PTPN3: variants seen among roughly 807,000 people sequenced by gnomAD.
The protein encoded by PTPN3 is tyrosine-protein phosphatase non-receptor type 3.
In PTPN3, 96 loss-of-function variants were observed where a neutral mutation model predicts 132.7. That is an observed-to-expected ratio of 0.72 (90% CI 0.61 to 0.86). PTPN3 has a LOEUF of 0.86. Ranked by LOEUF, PTPN3 falls within the 40% of genes least tolerant of loss-of-function variation. The probability of loss-of-function intolerance (pLI) is 0.00; values close to 1 mark genes in which losing one functional copy is unlikely to be tolerated. For synonymous variants in PTPN3, 398 were observed against 429.0 expected, an observed-to-expected ratio of 0.93 and a Z score of 0.89; for missense variants, 1,125 against 1,159.6, an observed-to-expected ratio of 0.97 and a Z score of 0.43.
At chr9:109,430,422 T>G (rs940380427) in intron 10 of PTPN3, among the ~76,000 whole-genome samples, 3 of 152,088 alleles carry the variant, frequency 2.0e-5, no homozygotes, top group African/African-American at 7.2e-5. Context: ...TGACCCCAAT[T>G]TCCCCACCTG....
chr9:109,505,458 T>G, the PTPN3 span, among the ~76,000 whole-genome samples: 1 of 152,058 alleles, frequency 6.6e-6, no homozygotes, highest in East Asian at 1.9e-4. Flanking sequence ...GTTTGTGTCT[T>G]TGTTTAGATG....
intron 1 of PTPN3, among the ~76,000 whole-genome samples, chr9:109,466,377 C>G (rs1410575731): frequency 2.0e-5 from 3 of 152,158 alleles, no homozygotes; most frequent in Non-Finnish European, 4.4e-5. Context: ...GTAGTGTGCA[C>G]CTGTAGTCCC....
chr9:109,439,865 A>G (rs1194671613), intron 7 of PTPN3, among the ~76,000 whole-genome samples: 1 of 151,858 alleles, frequency 6.6e-6, no homozygotes, highest in Non-Finnish European at 1.5e-5. Context: ...ACCGAGACTG[A>G]GCCACTGTAC....
chr9:109,386,357 T>G (rs542790485), intron 22 of PTPN3, among the ~76,000 whole-genome samples: 1 of 152,146 alleles, frequency 6.6e-6, no homozygotes, highest in African/African-American at 2.4e-5. Flanking sequence ...TGGGCCAAAT[T>G]TAGAAGGCTT....
In PTPN3 at chr9:109,457,220, T is replaced by C; in HGVS notation, c.247-5A>G. 1.2e-6 allele frequency: 2 copies of C among 1,613,900 alleles called. No individual in the cohort carries two copies. Among genetic ancestry groups the C allele is most frequent in the Non-Finnish European group, 1.7e-6 (2 of 1,179,912 alleles). On this transcript the variant is annotated splice_region_variant and splice_polypyrimidine_tract_variant and intron_variant, in intron 3 of 25. Transcript: ENST00000374541. ...TTTGCTTGCTTCCAGCCATCTCTGT[T>C]GGACAAGAAAACATAAAATATAAAA...
At chr9:109,459,603 GTGCA>G (rs1845738561) in intron 2 of PTPN3, among the ~76,000 whole-genome samples, 2 of 152,202 alleles carry the variant, frequency 1.3e-5, no homozygotes, top group African/African-American at 4.8e-5. Flanking sequence ...CCCTGCTGGA[GTGCA>G]GTGGTACAAT....
chr9:109,431,201 G>A (rs1213643779), intron 10 of PTPN3, among the ~76,000 whole-genome samples: 4 of 152,204 alleles, frequency 2.6e-5, no homozygotes, highest in African/African-American at 9.7e-5. Flanking sequence ...GTCCCTGCAG[G>A]CTCTGCCAAA....
chr9:109,382,505 G>C, intron 23 of PTPN3, 58 bp from the exon 24 acceptor site: 1 of 1,591,954 alleles, frequency 6.3e-7, no homozygotes, highest in Non-Finnish European at 8.6e-7. Flanking sequence ...TGAGGACCCA[G>C]CCCCAACCCA....
the PTPN3 span, among the ~76,000 whole-genome samples, chr9:109,536,071 A>G: frequency 1.3e-5 from 2 of 152,134 alleles, no homozygotes; most frequent in African/African-American, 4.8e-5. Context: ...TTCTGTCTCT[A>G]TGGATTTGCC....
the PTPN3 span, among the ~76,000 whole-genome samples, chr9:109,527,264 C>T: frequency 6.6e-6 from 1 of 152,158 alleles, no homozygotes; most frequent in African/African-American, 2.4e-5. Context: ...AGTTCAAGAC[C>T]AGCCTGGCCA....
chr9:109,504,854 T>C, the PTPN3 span, among the ~76,000 whole-genome samples: 1 of 152,218 alleles, frequency 6.6e-6, no homozygotes, highest in African/African-American at 2.4e-5. Context: ...GATGGCGTCC[T>C]GAACTGCAGC....
chr9:109,439,712 C>T (rs1455498673), intron 7 of PTPN3, among the ~76,000 whole-genome samples: 2 of 152,246 alleles, frequency 1.3e-5, no homozygotes, highest in African/African-American at 4.8e-5. Context: ...GGTTTGAGAC[C>T]AGCCTAGCCA....
chr9:109,495,262 A>C (rs963977451), intron 1 of PTPN3, among the ~76,000 whole-genome samples: 1 of 152,208 alleles, frequency 6.6e-6, no homozygotes, highest in African/African-American at 2.4e-5. Flanking sequence ...GGAAAAGATA[A>C]AGAGGCATTG....
intron 23 of PTPN3, 52 bp from the exon 24 acceptor site, chr9:109,382,499 G>C (rs1444599227): frequency 6.2e-7 from 1 of 1,601,428 alleles, no homozygotes; most frequent in Non-Finnish European, 8.5e-7. Context: ...TGAGCATGAG[G>C]ACCCAGCCCC....
the PTPN3 span, among the ~76,000 whole-genome samples, chr9:109,520,459 G>GAATTGAGAGTTTGGAA: frequency 6.6e-6 from 1 of 152,244 alleles, no homozygotes; most frequent in Non-Finnish European, 1.5e-5. Flanking sequence ...CGAAGTATAT[G>GAATTGAGAGTTTGGAA]AATTGAGAGT....
Position 109,413,763 on chromosome 9 carries a change from G to A in PTPN3, c.1314-3348C>T, listed in dbSNP as rs535052791. ...GAAAGGGGCAGAGACAGAGAAATGT[G>A]AGACACAGACTGACCATCAGGCAGA... On this transcript the variant is annotated intron_variant, in intron 14 of 25. Coordinates refer to ENST00000374541, the MANE Select transcript of PTPN3 (RefSeq NM_002829.4). Among the ~76,000 whole-genome samples, 7 of 152,230 alleles carry A rather than the reference G, an allele frequency of 4.6e-5. No individual in the cohort carries two copies. In the South Asian group the frequency reaches 1.5e-3, roughly 32 times the overall value.
intron 18 of PTPN3, among the ~76,000 whole-genome samples, chr9:109,405,277 C>G (rs905637767): frequency 3.9e-5 from 6 of 152,166 alleles, no homozygotes; most frequent in African/African-American, 4.8e-5. Flanking sequence ...GGTAAGGCCT[C>G]ACGGAGGAGG....
intron 2 of PTPN3, 122 bp from the exon 3 acceptor site, chr9:109,457,521 A>G (rs1845626293): frequency 2.7e-6 from 2 of 735,896 alleles, no homozygotes; most frequent in Admixed American, 3.0e-5. Context: ...ACTTCCCACC[A>G]CAAGAAAAGC....
At chr9:109,482,760 C>T (rs36111369) in intron 1 of PTPN3, among the ~76,000 whole-genome samples, 9,791 of 152,256 alleles carry the variant, frequency 0.064, 471 homozygotes, top group Non-Finnish European at 0.089. Context: ...ACCCACTCCT[C>T]CCCCAGAAAC....
Sources: gnomAD v4.1 joint callset for allele counts (sites outside exome capture counted in the v4.1 genomes callset) on GRCh38, gnomAD v4.1.1 for gene constraint, MANE v1.5 for transcripts, NCBI Gene and HGNC (gene_info 2026-07-23, HGNC 2026-07-21) for gene names.